Variants in CYB5R4 observed in about 807,000 individuals in gnomAD.
The protein encoded by CYB5R4 is N-terminal cytochrome b5 and cytochrome b5 oxidoreductase domain-containing protein.
A neutral mutation model predicts 70.2 loss-of-function variants in CYB5R4; 55 were observed. The ratio of observed to expected loss-of-function variants is 0.78; its 90% confidence interval spans 0.63 to 0.98. The LOEUF (loss-of-function observed/expected upper bound fraction) is 0.98, where lower values mean the gene tolerates loss of function less well. Among genes scored for constraint, CYB5R4 ranks in the 50% least tolerant of loss-of-function variants. The pLI, the probability that CYB5R4 is intolerant of heterozygous loss-of-function variation, is 0.00. For missense variants in CYB5R4, 562 were observed against 612.6 expected (o/e 0.92, Z 0.87); for synonymous variants, 197 against 199.5 (o/e 0.99, Z 0.11).
intron 1 of CYB5R4, among the ~76,000 whole-genome samples, chr6:83,861,639 A>G (rs1400077323): frequency 6.6e-6 from 1 of 152,160 alleles, no homozygotes; most frequent in Non-Finnish European, 1.5e-5. Context: ...CTGTGTGAAT[A>G]TTGGGTGTGT....
At chr6:83,865,510 T>C (rs1319112460) in intron 2 of CYB5R4, among the ~76,000 whole-genome samples, 3 of 152,182 alleles carry the variant, frequency 2.0e-5, no homozygotes, top group Non-Finnish European at 4.4e-5. Context: ...GTTCCTTGGC[T>C]TATAGAACAT....
At position 83,882,694 on chromosome 6, in the gene CYB5R4, A is replaced by G. The variant is rs535459027; in HGVS notation, c.230-10828A>G. Among the ~76,000 whole-genome samples the G allele has an allele frequency of 3.9e-5, 6 of 152,320 alleles. No individual in the cohort carries two copies. The South Asian group carries it at 8.3e-4, about 21-fold the overall frequency. On this transcript the variant is annotated intron_variant, in intron 2 of 15. Transcript: ENST00000369681. The stretch of plus-strand genomic sequence containing the variant: ...CTGTGCTAAGTAAGTAAGTAAAAGA[A>G]TATATGATACAGGCCCGGCGTGGTG...
At chr6:83,884,001 A>C (rs2099459858) in intron 2 of CYB5R4, among the ~76,000 whole-genome samples, 2 of 152,138 alleles carry the variant, frequency 1.3e-5, no homozygotes, top group South Asian at 4.1e-4. Context: ...AATTCTAAAA[A>C]AAGTTTGGTT....
chr6:83,897,424 G>T (rs1160586513), intron 3 of CYB5R4, among the ~76,000 whole-genome samples: 3 of 152,176 alleles, frequency 2.0e-5, no homozygotes, highest in Non-Finnish European at 2.9e-5. Context: ...GTAATGGGAT[G>T]GCTGGGTCAA....
intron 2 of CYB5R4, among the ~76,000 whole-genome samples, chr6:83,891,663 A>G (rs1046784574): frequency 6.6e-6 from 1 of 152,182 alleles, no homozygotes; most frequent in African/African-American, 2.4e-5. Flanking sequence ...TAAGGGATAG[A>G]CATTCCTAGT....
intron 2 of CYB5R4, among the ~76,000 whole-genome samples, chr6:83,873,190 C>T (rs1344509937): frequency 1.3e-5 from 2 of 149,608 alleles, no homozygotes; most frequent in Admixed American, 6.7e-5. Context: ...TAACTCTTCT[C>T]GTGTTAATTA....
intron 3 of CYB5R4, among the ~76,000 whole-genome samples, chr6:83,896,552 G>A (rs965516388): frequency 2.0e-5 from 3 of 152,176 alleles, no homozygotes; most frequent in African/African-American, 7.2e-5. Context: ...TTCACTTGAT[G>A]TAATGATCTC....
intron 3 of CYB5R4, among the ~76,000 whole-genome samples, chr6:83,896,762 A>G (rs980275162): frequency 6.6e-6 from 1 of 152,046 alleles, no homozygotes; most frequent in African/African-American, 2.4e-5. Flanking sequence ...CTTTGATGTA[A>G]TGATTTATTT....
In CYB5R4 at chr6:83,940,097, A is replaced by C; in HGVS notation, c.1150A>C (p.Ile384Leu). Reference sequence around the variant, plus strand: ...AAGCAGTCCTGAGGGCAATTTTAAAATATCCAAGTTCCAAGAATTAGAAGA... The same window carrying C: ...AAGCAGTCCTGAGGGCAATTTTAAACTATCCAAGTTCCAAGAATTAGAAGA... ...SVSSPEGNFKISKFQELEDLF... is the reference protein window; with the variant it reads ...SVSSPEGNFKLSKFQELEDLF... The change falls in exon 13 of 16, where the codon ATA becomes CTA. Residue 384 changes from isoleucine (I) to leucine (L), a missense_variant. Ile to Leu is a conservative substitution (Grantham distance 5). Transcript: ENST00000369681. The C allele has an allele frequency of 6.2e-7, 1 of 1,611,722 alleles. No homozygotes were observed. The highest frequency in any genetic ancestry group is 8.5e-7 in the Non-Finnish European group (1 of 1,178,678).
chr6:83,915,935 A>G (rs1316890390), intron 5 of CYB5R4, among the ~76,000 whole-genome samples: 1 of 152,178 alleles, frequency 6.6e-6, no homozygotes, highest in Non-Finnish European at 1.5e-5. Context: ...TGGAAGGGAG[A>G]ACATGCATTC....
intron 10 of CYB5R4, among the ~76,000 whole-genome samples, chr6:83,931,805 T>TA (rs59008884): frequency 0.024 from 1,801 of 74,934 alleles, 36 homozygotes; most frequent in African/African-American, 0.092. Flanking sequence ...ATATATATAT[T>TA]TTTTTTTTAT....
chr6:83,940,762 T>C (rs916566616), intron 14 of CYB5R4, among the ~76,000 whole-genome samples, 161 bp downstream of exon 14: 3 of 152,140 alleles, frequency 2.0e-5, no homozygotes, highest in African/African-American at 7.2e-5. Flanking sequence ...AATGTTCCCC[T>C]TCCCTCAAAG....
chr6:83,888,615 C>G (rs2099460620), intron 2 of CYB5R4, among the ~76,000 whole-genome samples: 1 of 152,110 alleles, frequency 6.6e-6, no homozygotes, highest in African/African-American at 2.4e-5. Flanking sequence ...CTGACAATTC[C>G]TGTCTCACCT....
In CYB5R4 at chr6:83,859,756, G is replaced by A. The variant is rs544059770; in HGVS notation, c.-27G>A. 3.7e-6 allele frequency: 6 copies of A among 1,610,988 alleles called. No homozygotes were observed. In the African/African-American group the frequency reaches 6.7e-5, roughly 18 times the overall value. On this transcript the variant is annotated 5_prime_UTR_variant, in exon 1 of 16. Coordinates refer to ENST00000369681, the MANE Select transcript of CYB5R4 (RefSeq NM_016230.4). The stretch of plus-strand genomic sequence containing the variant: ...CTGTCCCGTCTGGCGGCGATCCCCG[G>A]GCAGGGCCCGGGGCCGGGGTTTGAA...
In CYB5R4 at chr6:83,966,366, A is replaced by G. The variant is rs937558996; in HGVS notation, c.*6488A>G. Reference sequence around the variant, plus strand: ...AGGAAATACATATTATATAAGAAGAAAAGAGTAAAAATAAATCTTTAAAAA... The same window carrying G: ...AGGAAATACATATTATATAAGAAGAGAAGAGTAAAAATAAATCTTTAAAAA... On this transcript the variant is annotated 3_prime_UTR_variant, in exon 16 of 16. Transcript: ENST00000369681. 2.6e-5 allele frequency: 4 copies of G among 152,184 alleles called. No homozygotes were observed. Among genetic ancestry groups the G allele is most frequent in the African/African-American group, 9.6e-5 (4 of 41,458 alleles). 9.4% of individuals were successfully genotyped at this position (152,184 alleles called of 1,614,324 possible). A position where few individuals can be genotyped will look rare whatever the true frequency, so the allele number is the denominator to read the frequency against.
At position 83,864,279 on chromosome 6, in the gene CYB5R4, A is replaced by C. The variant is rs1050589656; in HGVS notation, c.180A>C (p.Glu60Asp). The change falls in exon 2 of 16, where the codon GAA becomes GAC. Residue 60 changes from glutamate to aspartate, a missense_variant. Coordinates refer to ENST00000369681, the MANE Select transcript of CYB5R4 (RefSeq NM_016230.4). ...LKGRLIEVTE[E>D]ELKKHNKKDD... ...GCAGGTTAATTGAAGTAACTGAAGA[A>C]GAACTTAAGAAACACAACAAAAAAG... 6.2e-7 allele frequency: 1 copy of C among 1,613,358 alleles called. No individual in the cohort carries two copies. Among genetic ancestry groups the C allele is most frequent in the Non-Finnish European group, 8.5e-7 (1 of 1,179,654 alleles).
At chr6:83,907,026 C>T (rs1380889125) in intron 3 of CYB5R4, among the ~76,000 whole-genome samples, 1 of 152,098 alleles carries the variant, frequency 6.6e-6, no homozygotes, top group East Asian at 1.9e-4. Flanking sequence ...TATATACATG[C>T]AAATATTTTC....
chr6:83,872,072 A>T (rs189504026), intron 2 of CYB5R4, among the ~76,000 whole-genome samples: 1 of 152,088 alleles, frequency 6.6e-6, no homozygotes, highest in Admixed American at 6.5e-5. Flanking sequence ...TTGCATCCTT[A>T]TATTTCTAGA....
rs184797825 is a variant in CYB5R4 at position 83,964,616 on chromosome 6, A to G, written c.*4738A>G. 7.2e-5 allele frequency: 11 copies of G among 152,302 alleles called. No individual in the cohort carries two copies. The East Asian group carries it at 9.7e-4, about 13-fold the overall frequency. 9.4% of individuals were successfully genotyped at this position (152,302 alleles called of 1,614,324 possible). A position where few individuals can be genotyped will look rare whatever the true frequency, so the allele number is the denominator to read the frequency against. ...ACAATGCGATAGAAAAGAAAATCCT[A>G]TTTTCTGAGGAGAAATTCAAGCTGG... On this transcript the variant is annotated 3_prime_UTR_variant, in exon 16 of 16. Transcript: ENST00000369681.
Sources: allele counts gnomAD v4.1 joint callset (sites outside exome capture counted in the v4.1 genomes callset), GRCh38; gene constraint gnomAD v4.1.1; transcripts MANE v1.5; gene names NCBI Gene and HGNC (gene_info 2026-07-23, HGNC 2026-07-21).